ESR1: variants seen among roughly 807,000 people sequenced by gnomAD.
ESR1 encodes estrogen receptor.
A neutral mutation model predicts 52.7 loss-of-function variants in ESR1; 12 were observed. The observed-to-expected ratio is 0.23, with a 90% CI of 0.15 to 0.37. The LOEUF (loss-of-function observed/expected upper bound fraction) is 0.37, where lower values mean the gene tolerates loss of function less well. ESR1 is among the 10% of genes least tolerant of loss of function. The pLI is 1.00. For synonymous variants in ESR1, 305 were observed against 316.8 expected, an observed-to-expected ratio of 0.96 and a Z score of 0.39; for missense variants, 584 against 779.7, an observed-to-expected ratio of 0.75 and a Z score of 2.99.
At chr6:151,745,473 C>G (rs1357772226) in intron 2 of ESR1, among the ~76,000 whole-genome samples, 1 of 152,182 alleles carries the variant, frequency 6.6e-6, no homozygotes, top group Non-Finnish European at 1.5e-5. Context: ...TCTATTTTAG[C>G]ATCATTTGGA....
chr6:151,695,271 T>G lies in ESR1; in HGVS notation c.-202+4607T>G, dbSNP rs79115007. The stretch of plus-strand genomic sequence containing the variant: ...ATTTAAAGCTGCCACCCACTCTCAA[T>G]TTTTTGGGTTTTCCTACTAAGAATG... On this transcript the variant is annotated intron_variant, in intron 1 of 2. Transcript: ENST00000404742. 2.9e-3 allele frequency among the ~76,000 whole-genome samples: 436 copies of G among 152,312 alleles called. 5 individuals are homozygous for G. The highest frequency in any genetic ancestry group is 0.018 in the East Asian group (95 of 5,192).
chr6:151,763,411 C>G (rs749559015), intron 2 of ESR1, among the ~76,000 whole-genome samples: 1 of 152,138 alleles, frequency 6.6e-6, no homozygotes, highest in Non-Finnish European at 1.5e-5. Flanking sequence ...ATTCCAACCC[C>G]CAAAGGCAAA....
At chr6:151,720,650 T>A (rs1480666293) in intron 2 of ESR1, among the ~76,000 whole-genome samples, 1 of 152,174 alleles carries the variant, frequency 6.6e-6, no homozygotes, top group Non-Finnish European at 1.5e-5. Context: ...ACAAGTATAA[T>A]TGCTTTTATA....
intron 3 of ESR1, among the ~76,000 whole-genome samples, chr6:151,899,360 C>T (rs1267540863): frequency 1.7e-5 from 2 of 117,860 alleles, no homozygotes; most frequent in African/African-American, 3.9e-5. Context: ...CTGACCCCCC[C>T]ACCTCCTTCC....
chr6:151,733,248 A>G (rs1782391858), intron 2 of ESR1, among the ~76,000 whole-genome samples: 1 of 152,176 alleles, frequency 6.6e-6, no homozygotes, highest in African/African-American at 2.4e-5. Flanking sequence ...TCGAGCTAGT[A>G]TTTGGACCCA....
chr6:151,960,118 T>C (rs1219004903), intron 4 of ESR1, among the ~76,000 whole-genome samples: 1 of 152,150 alleles, frequency 6.6e-6, no homozygotes, highest in Non-Finnish European at 1.5e-5. Context: ...AGAGAAAAAC[T>C]GCCTTAATGT....
At chr6:152,022,826 A>G (rs1468399793) in intron 5 of ESR1, among the ~76,000 whole-genome samples, 1 of 151,946 alleles carries the variant, frequency 6.6e-6, no homozygotes, top group Non-Finnish European at 1.5e-5. Context: ...AAAAATTAAA[A>G]ATTAGCCGGG....
At chr6:151,929,599 A>G (rs1006265730) in intron 3 of ESR1, among the ~76,000 whole-genome samples, 1 of 152,208 alleles carries the variant, frequency 6.6e-6, no homozygotes, top group Non-Finnish European at 1.5e-5. Context: ...CATTCTGCAC[A>G]TGTATCCCAG....
chr6:152,061,741 TTTTTGTTTTTGTTTTTG>T lies in ESR1; in HGVS notation c.1369+633_1369+649del, dbSNP rs1231255989. The stretch of plus-strand genomic sequence containing the variant: ...AGCTAAGAGCAACATCTGTTTTTTG[TTTTTGTTTTTGTTTTTG>T]TTTTGTTTTTGTTTTCAATGTAGTG... On this transcript the variant is annotated intron_variant, in intron 6 of 7. Transcript: ENST00000206249. The surrounding 1 kb of genome is among the most constrained non-coding windows in gnomAD (Gnocchi z 4.3). 1.6e-4 allele frequency among the ~76,000 whole-genome samples: 24 copies of T among 150,848 alleles called. No individual in the cohort carries two copies. The highest frequency in any genetic ancestry group is 1.4e-3 in the Admixed American group (21 of 15,214).
chr6:152,048,638 C>T (rs1348922660), intron 5 of ESR1, among the ~76,000 whole-genome samples: 2 of 152,052 alleles, frequency 1.3e-5, no homozygotes, highest in East Asian at 1.9e-4. Context: ...CTCAGTGCCT[C>T]GAACATAGGA....
chr6:151,918,141 G>T (rs960554704), intron 3 of ESR1, among the ~76,000 whole-genome samples: 2 of 152,172 alleles, frequency 1.3e-5, no homozygotes, highest in East Asian at 3.9e-4. Flanking sequence ...AGGGCTGACA[G>T]CATGTGAATT....
Position 151,986,383 on chromosome 6 carries a change from C to T in ESR1, c.1097-25273C>T, listed in dbSNP as rs527348517. ...AACACACCATCACTTAGTGGAGAAA[C>T]AGCTCTCACTTTCCTCCTCCCCAGA... On this transcript the variant is annotated intron_variant, in intron 4 of 7. Transcript: ENST00000206249. Among the ~76,000 whole-genome samples the T allele has an allele frequency of 3.9e-5, 6 of 152,148 alleles. No homozygotes were observed. The East Asian group carries it at 7.7e-4, about 20-fold the overall frequency.
At chr6:151,680,681 G>C (rs778574233) in intron 1 of ESR1, among the ~76,000 whole-genome samples, 3 of 152,080 alleles carry the variant, frequency 2.0e-5, no homozygotes, top group Non-Finnish European at 4.4e-5. Context: ...ATGGATTTTG[G>C]GGGGACACAA....
intron 2 of ESR1, among the ~76,000 whole-genome samples, chr6:151,860,927 G>A (rs962211720): frequency 1.1e-4 from 17 of 152,014 alleles, no homozygotes; most frequent in African/African-American, 4.1e-4. Flanking sequence ...TCATGAACAC[G>A]AAGCTTTAGA....
intron 1 of ESR1, among the ~76,000 whole-genome samples, chr6:151,814,625 A>T (rs1387865946): frequency 2.6e-5 from 4 of 152,340 alleles, no homozygotes; most frequent in East Asian, 1.9e-4. Flanking sequence ...TCAAAAAGTG[A>T]TGTTTTTCTT....
chr6:151,894,735 C>G (rs1795206826), intron 3 of ESR1, among the ~76,000 whole-genome samples: 1 of 152,248 alleles, frequency 6.6e-6, no homozygotes, highest in Non-Finnish European at 1.5e-5. Flanking sequence ...TACTCTGTTC[C>G]TTTGGTCTAC....
chr6:151,682,098 T>A (rs1430745983), intron 1 of ESR1, among the ~76,000 whole-genome samples: 2 of 152,246 alleles, frequency 1.3e-5, no homozygotes, highest in Non-Finnish European at 2.9e-5. Flanking sequence ...GTATTCAACC[T>A]TTTATTTCCT....
intron 2 of ESR1, among the ~76,000 whole-genome samples, chr6:151,704,190 TA>T (rs1780007988): frequency 6.6e-6 from 1 of 152,242 alleles, no homozygotes. Context: ...CACTCTTTCA[TA>T]TTTTTTTTAA....
chr6:151,941,923 T>C (rs1042546993), intron 3 of ESR1, among the ~76,000 whole-genome samples: 2 of 152,250 alleles, frequency 1.3e-5, no homozygotes, highest in Admixed American at 1.3e-4. Flanking sequence ...GTTTCCTCCA[T>C]GTTTTCCTTT....
Sources: allele counts gnomAD v4.1 joint callset (sites outside exome capture counted in the v4.1 genomes callset), GRCh38; gene constraint gnomAD v4.1.1; non-coding constraint Gnocchi (gnomAD v3.1); transcripts MANE v1.5; gene names NCBI Gene and HGNC (gene_info 2026-07-23, HGNC 2026-07-21).